TRAPPC9: variants seen among roughly 807,000 people sequenced by gnomAD.
The protein encoded by TRAPPC9 is trafficking protein particle complex subunit 9.
Under a neutral mutation model 124.0 loss-of-function variants are expected in TRAPPC9, and 83 were observed. That is an observed-to-expected ratio of 0.67 (90% CI 0.56 to 0.80). TRAPPC9 has a LOEUF of 0.80. TRAPPC9 is among the 30% of genes least tolerant of loss of function. TRAPPC9 has a pLI of 0.00. For missense variants in TRAPPC9, 1,302 were observed against 1,508.3 expected (o/e 0.86, Z 2.27); for synonymous variants, 638 against 617.5 (o/e 1.03, Z -0.49).
chr8:140,274,688 T>C (rs886766083), intron 15 of TRAPPC9, among the ~76,000 whole-genome samples: 2 of 152,218 alleles, frequency 1.3e-5, no homozygotes, highest in Non-Finnish European at 2.9e-5. Context: ...GCCCTGGACC[T>C]TCCCTCAAGC....
chr8:140,270,731 G>C (rs555441465), intron 15 of TRAPPC9, among the ~76,000 whole-genome samples: 4 of 152,200 alleles, frequency 2.6e-5, no homozygotes, highest in Non-Finnish European at 4.4e-5. Flanking sequence ...GGAGAAGTCA[G>C]CATGGCGTGC....
intron 16 of TRAPPC9, among the ~76,000 whole-genome samples, chr8:140,247,645 G>C (rs1464653157): frequency 6.6e-6 from 1 of 151,592 alleles, no homozygotes; most frequent in Non-Finnish European, 1.5e-5. Context: ...TCCTTCTCTG[G>C]TGTCTCATAG....
chr8:140,036,527 G>A (rs543856776), intron 17 of TRAPPC9, among the ~76,000 whole-genome samples: 1 of 152,340 alleles, frequency 6.6e-6, no homozygotes, highest in African/African-American at 2.4e-5. Context: ...ACTCAAGTTG[G>A]GGAGAGAGGC....
At chr8:140,052,706 C>T (rs894352666) in intron 17 of TRAPPC9, among the ~76,000 whole-genome samples, 3 of 151,758 alleles carry the variant, frequency 2.0e-5, no homozygotes, top group Non-Finnish European at 2.9e-5. Flanking sequence ...TGCTTGAACC[C>T]GGGAAGCAGA....
intron 17 of TRAPPC9, among the ~76,000 whole-genome samples, chr8:140,074,761 A>G (rs907486642): frequency 2.6e-5 from 4 of 152,164 alleles, no homozygotes; most frequent in Non-Finnish European, 4.4e-5. Context: ...CTCTTGAAAG[A>G]AGGGCCGCTC....
chr8:140,267,718 G>C (rs1463691241), intron 15 of TRAPPC9, among the ~76,000 whole-genome samples: 2 of 152,198 alleles, frequency 1.3e-5, no homozygotes, highest in East Asian at 1.9e-4. Flanking sequence ...CCAGGCTGCA[G>C]TGCAATGGCA....
intron 5 of TRAPPC9, among the ~76,000 whole-genome samples, chr8:140,419,863 G>T (rs543668929): frequency 6.6e-6 from 1 of 152,158 alleles, no homozygotes; most frequent in African/African-American, 2.4e-5. Context: ...TCCAGATCGG[G>T]GGACAGAGTG....
intron 17 of TRAPPC9, among the ~76,000 whole-genome samples, chr8:140,062,918 C>A (rs893540846): frequency 6.6e-6 from 1 of 152,140 alleles, no homozygotes; most frequent in Non-Finnish European, 1.5e-5. Context: ...AAGAACTTTC[C>A]AAGACTGGGT....
chr8:140,377,008 T>TA (rs938995714), intron 7 of TRAPPC9, among the ~76,000 whole-genome samples: 1 of 151,970 alleles, frequency 6.6e-6, no homozygotes, highest in African/African-American at 2.4e-5. Context: ...CACCACATGC[T>TA]AGAGGAAGGA....
chr8:140,129,598 G>A (rs1012463073), intron 17 of TRAPPC9, among the ~76,000 whole-genome samples: 1 of 152,182 alleles, frequency 6.6e-6, no homozygotes, highest in Non-Finnish European at 1.5e-5. Flanking sequence ...TAGAGGCGAT[G>A]GGAGACTGGG....
At chr8:139,838,546 C>T (rs1384656388) in intron 21 of TRAPPC9, among the ~76,000 whole-genome samples, 3 of 152,186 alleles carry the variant, frequency 2.0e-5, no homozygotes. Context: ...CGGAGCCCCC[C>T]AAGGAAGAGA....
At chr8:140,295,164 T>A (rs193076230) in intron 11 of TRAPPC9, among the ~76,000 whole-genome samples, 2 of 152,188 alleles carry the variant, frequency 1.3e-5, no homozygotes, top group Non-Finnish European at 2.9e-5. Flanking sequence ...TCTGCTAAAC[T>A]GTATGGACCC....
At chr8:139,921,902 T>G (rs1349678159) in intron 19 of TRAPPC9, among the ~76,000 whole-genome samples, 3 of 140,218 alleles carry the variant, frequency 2.1e-5, no homozygotes, top group Non-Finnish European at 3.0e-5. Context: ...CTGCCACATC[T>G]GGGAGCGTAC....
intron 21 of TRAPPC9, among the ~76,000 whole-genome samples, chr8:139,734,933 C>A (rs1818058095): frequency 6.6e-6 from 1 of 152,254 alleles, no homozygotes; most frequent in African/African-American, 2.4e-5. Flanking sequence ...CCTCAAATCC[C>A]AGCTTTTGCT....
At chr8:140,084,465 T>C (rs1201335431) in intron 17 of TRAPPC9, among the ~76,000 whole-genome samples, 4 of 152,210 alleles carry the variant, frequency 2.6e-5, no homozygotes, top group African/African-American at 7.2e-5. Flanking sequence ...AAGCCTTCAA[T>C]AGTAGCCTAT....
At chr8:140,100,983 T>A (rs2060568349) in intron 17 of TRAPPC9, among the ~76,000 whole-genome samples, 1 of 152,264 alleles carries the variant, frequency 6.6e-6, no homozygotes, top group African/African-American at 2.4e-5. Flanking sequence ...ATATGTGACG[T>A]ACTAATTTCT....
intron 7 of TRAPPC9, among the ~76,000 whole-genome samples, chr8:140,372,098 C>T (rs1191157579): frequency 6.6e-6 from 1 of 152,206 alleles, no homozygotes; most frequent in East Asian, 1.9e-4. Flanking sequence ...CAAATAAGGA[C>T]ATTAACAGCT....
chr8:140,080,255 C>A (rs1218163887), intron 17 of TRAPPC9, among the ~76,000 whole-genome samples: 2 of 152,170 alleles, frequency 1.3e-5, no homozygotes, highest in African/African-American at 4.8e-5. Context: ...AATTGAGAAC[C>A]ACATGAGTAA....
chr8:140,457,722 G>T lies in TRAPPC9; in HGVS notation c.-94C>A. 3.0e-6 allele frequency: 3 copies of T among 993,502 alleles called. No homozygotes were observed. Among genetic ancestry groups the T allele is most frequent in the Non-Finnish European group, 3.6e-6 (3 of 834,926 alleles). The allele number at this position is 993,502 out of a possible 1,614,324, so 61.5% of individuals were successfully genotyped here. ...AGCAGCCTCTGCGGCCACTTCCCAG[G>T]CTCTGGGCTGGCGCTTCCTACTGGC... is the stretch of plus-strand genomic sequence containing the variant. On this transcript the variant is annotated 5_prime_UTR_variant, in exon 1 of 23. Transcript: ENST00000438773.
Sources: allele counts gnomAD v4.1 joint callset (sites outside exome capture counted in the v4.1 genomes callset), GRCh38; gene constraint gnomAD v4.1.1; transcripts MANE v1.5; gene names NCBI Gene and HGNC (gene_info 2026-07-23, HGNC 2026-07-21).